The following ZNF536 variants were observed in gnomAD, a reference collection of about 807,000 sequenced individuals.
ZNF536 encodes the protein zinc finger protein 536.
ZNF536 carries 13 observed loss-of-function variants against 84.5 expected under a neutral mutation model. That is an observed-to-expected ratio of 0.15 (90% CI 0.10 to 0.24). The LOEUF is 0.24. Ranked by LOEUF, ZNF536 falls within the 10% of genes least tolerant of loss-of-function variation. ZNF536 has a pLI of 1.00. For missense variants in ZNF536, 1,536 were observed against 1,747.5 expected, an observed-to-expected ratio of 0.88 and a Z score of 2.16; for synonymous variants, 811 against 742.5, an observed-to-expected ratio of 1.09 and a Z score of -1.50.
intron 1 of ZNF536, among the ~76,000 whole-genome samples, chr19:30,569,172 T>C (rs1021065365): frequency 6.6e-6 from 1 of 152,154 alleles, no homozygotes; most frequent in Non-Finnish European, 1.5e-5. Flanking sequence ...AAATCCCTAA[T>C]AATGAGTAGA....
At chr19:30,628,478 G>A (rs2048770105) in intron 1 of ZNF536, among the ~76,000 whole-genome samples, 1 of 151,124 alleles carries the variant, frequency 6.6e-6, no homozygotes. Flanking sequence ...GCCCAGGCTG[G>A]AGTGCAGTGG....
chr19:30,662,052 A>G (rs1389245239), intron 1 of ZNF536, among the ~76,000 whole-genome samples: 1 of 152,172 alleles, frequency 6.6e-6, no homozygotes, highest in Admixed American at 6.5e-5. Flanking sequence ...AGCTTAAATT[A>G]TTTGATGCAC....
intron 2 of ZNF536, among the ~76,000 whole-genome samples, chr19:30,324,487 G>A (rs1256257161): frequency 6.6e-6 from 1 of 152,190 alleles, no homozygotes; most frequent in Non-Finnish European, 1.5e-5. Context: ...GGCTCAGACA[G>A]TCCTCCCACT....
chr19:30,692,764 C>T (rs73032813), intron 1 of ZNF536, among the ~76,000 whole-genome samples: 7 of 152,258 alleles, frequency 4.6e-5, no homozygotes, highest in East Asian at 1.9e-4. Flanking sequence ...AAGGTGGCCA[C>T]GCTGCACACT....
At chr19:30,464,638 A>G (rs2053303499) in intron 2 of ZNF536, among the ~76,000 whole-genome samples, 4 of 152,004 alleles carry the variant, frequency 2.6e-5, no homozygotes, top group African/African-American at 7.2e-5. Context: ...ATTGGGGTCA[A>G]TGGTCCTTTT....
At chr19:30,459,841 G>A (rs1320126272) in intron 2 of ZNF536, among the ~76,000 whole-genome samples, 2 of 152,192 alleles carry the variant, frequency 1.3e-5, no homozygotes, top group African/African-American at 4.8e-5. Flanking sequence ...TAGGCAGGCA[G>A]CTTTCCTTCT....
chr19:30,567,040 G>C (rs915728843), intron 1 of ZNF536, among the ~76,000 whole-genome samples: 1 of 151,850 alleles, frequency 6.6e-6, no homozygotes. Flanking sequence ...GGCGGTTCCT[G>C]GGAGTGGCTT....
At chr19:30,598,222 C>T (rs1397476313) in intron 1 of ZNF536, among the ~76,000 whole-genome samples, 1 of 152,180 alleles carries the variant, frequency 6.6e-6, no homozygotes, top group Non-Finnish European at 1.5e-5. Flanking sequence ...GCAGGAGAAA[C>T]TTCAAAGCAC....
intron 1 of ZNF536, among the ~76,000 whole-genome samples, chr19:30,384,124 C>CG (rs5827711): frequency 0.01 from 679 of 67,866 alleles, 4 homozygotes; most frequent in East Asian, 0.02. Flanking sequence ...TTCTTTCTTT[C>CG]TTTCTTTCTT....
At chr19:30,318,508 C>T (rs1000462178) in intron 2 of ZNF536, among the ~76,000 whole-genome samples, 1 of 152,202 alleles carries the variant, frequency 6.6e-6, no homozygotes, top group South Asian at 2.1e-4. Flanking sequence ...TCCACTAGAG[C>T]GAAAGACTGC....
intron 1 of ZNF536, among the ~76,000 whole-genome samples, chr19:30,257,016 T>C (rs1162598756): frequency 6.6e-6 from 1 of 152,222 alleles, no homozygotes; most frequent in African/African-American, 2.4e-5. Context: ...ACCATTACAA[T>C]TAGCTTTGAA....
intron 2 of ZNF536, among the ~76,000 whole-genome samples, chr19:30,519,938 G>C (rs1001110399): frequency 2.0e-5 from 3 of 152,242 alleles, no homozygotes; most frequent in Non-Finnish European, 4.4e-5. Context: ...TGTCCTGAAG[G>C]TTAAATTCTG....
Position 30,591,296 on chromosome 19 carries a change from T to TAA in ZNF536, c.169+41782_169+41783insAA, listed in dbSNP as rs554618243. 2.4e-3 allele frequency among the ~76,000 whole-genome samples: 362 copies of TAA among 152,326 alleles called. 2 individuals carry two copies. Among genetic ancestry groups the TAA allele is most frequent in the Non-Finnish European group, 3.8e-3 (261 of 68,022 alleles). ...CCAGGCTGTTTGTATTAGTCTGTTC[T>TAA]CATGCTGCTAATAAAGACATACCCA... is the stretch of plus-strand genomic sequence containing the variant. On this transcript the variant is annotated intron_variant, in intron 1 of 1. Coordinates refer to the ZNF536 transcript ENST00000592773.
chr19:30,398,554 G>T (rs916205810), intron 1 of ZNF536, among the ~76,000 whole-genome samples: 2 of 152,008 alleles, frequency 1.3e-5, no homozygotes, highest in Admixed American at 6.6e-5. Flanking sequence ...CGCAATCCCG[G>T]ACAGGCCCCA....
intron 1 of ZNF536, among the ~76,000 whole-genome samples, chr19:30,390,818 T>A (rs2049556582): frequency 6.6e-6 from 1 of 152,138 alleles, no homozygotes; most frequent in African/African-American, 2.4e-5. Context: ...CCCCCATGTT[T>A]ACACTCAGCC....
intron 1 of ZNF536, among the ~76,000 whole-genome samples, chr19:30,565,415 C>T (rs2076469680): frequency 6.6e-6 from 1 of 152,110 alleles, no homozygotes; most frequent in Non-Finnish European, 1.5e-5. Context: ...GGCCCACCCT[C>T]CTGTGAAGCC....
At chr19:30,532,963 G>A (rs928228888) in intron 2 of ZNF536, among the ~76,000 whole-genome samples, 3 of 152,210 alleles carry the variant, frequency 2.0e-5, no homozygotes, top group Non-Finnish European at 4.4e-5. Flanking sequence ...CTAGGGCTTG[G>A]TGGAGTGACT....
chr19:30,408,926 C>T (rs2050373778), intron 1 of ZNF536, among the ~76,000 whole-genome samples: 1 of 151,092 alleles, frequency 6.6e-6, no homozygotes, highest in Admixed American at 6.6e-5. Context: ...TTCATCCATT[C>T]ATCCATCCAC....
intron 1 of ZNF536, among the ~76,000 whole-genome samples, chr19:30,628,399 C>T (rs994034382): frequency 1.3e-5 from 2 of 151,484 alleles, no homozygotes; most frequent in African/African-American, 4.8e-5. Context: ...TAGCACAGCA[C>T]GCTGCAGAGC....
Sources: allele counts gnomAD v4.1 joint callset (sites outside exome capture counted in the v4.1 genomes callset), GRCh38; gene constraint gnomAD v4.1.1; transcripts MANE v1.5; gene names NCBI Gene and HGNC (gene_info 2026-07-23, HGNC 2026-07-21).